ZYG11A: variants seen among roughly 807,000 people sequenced by gnomAD.
ZYG11A encodes protein zyg-11 homolog A.
A neutral mutation model predicts 77.2 loss-of-function variants in ZYG11A; 62 were observed. The observed-to-expected ratio is 0.80, with a 90% CI of 0.65 to 0.99. The LOEUF is 0.99. ZYG11A is among the 50% of genes least tolerant of loss of function. The pLI, the probability that ZYG11A is intolerant of heterozygous loss-of-function variation, is 0.00. For missense variants in ZYG11A, 828 were observed against 896.8 expected (o/e 0.92, Z 0.98); for synonymous variants, 315 against 324.6 (o/e 0.97, Z 0.32).
chr1:52,874,063 A>G (rs924816373), intron 8 of ZYG11A, among the ~76,000 whole-genome samples: 1 of 151,828 alleles, frequency 6.6e-6, no homozygotes, highest in Non-Finnish European at 1.5e-5. Context: ...TGGGGCAAAC[A>G]TCATTGCTAT....
Position 52,860,801 on chromosome 1 carries a change from T to C in ZYG11A, c.1079T>C (p.Val360Ala). The C allele has an allele frequency of 3.9e-6, 6 of 1,551,744 alleles. No homozygotes were observed. The highest frequency in any genetic ancestry group is 5.2e-6 in the Non-Finnish European group (6 of 1,146,990). Residue 360 changes from valine (V) to alanine (A), a missense_variant, in exon 4 of 14, where the codon GTG becomes GCG. By Grantham distance (64) the Val-to-Ala change is moderately conservative. Coordinates refer to ENST00000371528, the MANE Select transcript of ZYG11A (RefSeq NM_001004339.3). ...CGATACAGGAACAGATCATGTTTTG[T>C]GAAGGAAGCCCTCCACAGGCTGTTC... ...LSRYRNRSCF[V>A]KEALHRLFTE... is the part of the protein sequence containing the mutation.
In ZYG11A at chr1:52,857,504, C is replaced by T. The variant is rs1645836741; in HGVS notation, c.763C>T (p.Leu255Phe). 6.4e-7 allele frequency: 1 copy of T among 1,552,086 alleles called. No individual in the cohort carries two copies. The highest frequency in any genetic ancestry group is 2.0e-5 in the Admixed American group (1 of 50,992). ...KSQILAVIRE[L>F]KCLLHLDISD... is the part of the protein sequence containing the mutation. The stretch of plus-strand genomic sequence containing the variant: ...ACAAATTCTTGCAGTCATTAGAGAA[C>T]TTAAATGTCTGCTTCACCTTGATAT... Residue 255 changes from leucine (L) to phenylalanine (F), a missense_variant, in exon 3 of 14, where the codon CTT becomes TTT. Coordinates refer to ENST00000371528, the MANE Select transcript of ZYG11A (RefSeq NM_001004339.3).
In ZYG11A at chr1:52,857,104, C is replaced by A; in HGVS notation, c.363C>A (p.Ala121=). 2 of 1,551,738 alleles carry A rather than the reference C, an allele frequency of 1.3e-6. No homozygotes were observed. The highest frequency in any genetic ancestry group is 1.7e-6 in the Non-Finnish European group (2 of 1,147,028). The part of the protein sequence containing the change: ...AKISTAAFIK[A]FCRHKLIELN... ...TCTCTACAGCTGCATTCATAAAAGC[C>A]TTCTGCCGTCATAAGCTCATTGAAC... Residue 121 remains alanine (A), a synonymous_variant, in exon 3 of 14, where the codon GCC becomes GCA. Coordinates refer to ENST00000371528, the MANE Select transcript of ZYG11A (RefSeq NM_001004339.3).
At chr1:52,884,750 G>T (rs75287494) in intron 11 of ZYG11A, among the ~76,000 whole-genome samples, 4,155 of 152,220 alleles carry the variant, frequency 0.027, 156 homozygotes, top group East Asian at 0.2. Context: ...TTAGTATTTA[G>T]GTTTTAACTC....
intron 10 of ZYG11A, among the ~76,000 whole-genome samples, chr1:52,880,299 C>T (rs1040299152): frequency 2.6e-5 from 4 of 151,976 alleles, no homozygotes; most frequent in African/African-American, 4.8e-5. Flanking sequence ...GTCCTATGTG[C>T]CTCAATATAC....
intron 1 of ZYG11A, among the ~76,000 whole-genome samples, chr1:52,845,635 A>ATT (rs34141053): frequency 2.9e-3 from 402 of 139,304 alleles, no homozygotes; most frequent in African/African-American, 9.4e-3. Context: ...TTATTTTTGA[A>ATT]TTTTTTTTTT....
At chr1:52,867,801 A>G (rs754635583) in intron 8 of ZYG11A, 24 bp downstream of exon 8, 1 of 1,536,122 alleles carries the variant, frequency 6.5e-7, no homozygotes, top group South Asian at 1.2e-5. Flanking sequence ...CATGTTCATA[A>G]CCTTTTTTTA....
intron 10 of ZYG11A, among the ~76,000 whole-genome samples, chr1:52,878,196 A>G (rs1427238640): frequency 6.6e-6 from 1 of 152,222 alleles, no homozygotes; most frequent in Non-Finnish European, 1.5e-5. Flanking sequence ...TTTACTTATG[A>G]ATCTGTGGGT....
intron 12 of ZYG11A, among the ~76,000 whole-genome samples, chr1:52,886,607 C>G (rs543360851): frequency 1.3e-5 from 2 of 150,666 alleles, no homozygotes; most frequent in African/African-American, 4.9e-5. Flanking sequence ...GATCACATCT[C>G]AATGCAGCCT....
At chr1:52,843,906 T>G (rs1209623948) in intron 1 of ZYG11A, among the ~76,000 whole-genome samples, 1 of 152,094 alleles carries the variant, frequency 6.6e-6, no homozygotes, top group Admixed American at 6.5e-5. Context: ...CAGGATGGTT[T>G]CGAACTCCAG....
chr1:52,851,906 C>A (rs1645720341), intron 1 of ZYG11A, among the ~76,000 whole-genome samples: 1 of 148,546 alleles, frequency 6.7e-6, no homozygotes, highest in South Asian at 2.1e-4. Context: ...CGCCACCATG[C>A]CTTCCTAATT....
rs11578862 is a variant in ZYG11A at position 52,849,807 on chromosome 1, C to A, written c.91-4658C>A. Among the ~76,000 whole-genome samples, 209 of 151,378 alleles carry A rather than the reference C, an allele frequency of 1.4e-3. 1 individual carries two copies. The highest frequency in any genetic ancestry group is 2.2e-3 in the Non-Finnish European group (151 of 67,738). ...ATGCCATTCTCCTGCCTCAGCCTCC[C>A]GAGTAGCTGGGACTACAGGCACCGG... On this transcript the variant is annotated intron_variant, in intron 1 of 13. Transcript: ENST00000371528.
At chr1:52,852,413 G>T (rs1645731292) in intron 1 of ZYG11A, among the ~76,000 whole-genome samples, 1 of 149,794 alleles carries the variant, frequency 6.7e-6, no homozygotes, top group Non-Finnish European at 1.5e-5. Context: ...ACCCATGCTG[G>T]AGTGCAGTGA....
At chr1:52,850,540 G>A (rs904229187) in intron 1 of ZYG11A, among the ~76,000 whole-genome samples, 1 of 151,290 alleles carries the variant, frequency 6.6e-6, no homozygotes, top group Non-Finnish European at 1.5e-5. Context: ...GGCTGGTCTC[G>A]AACTCCTGAC....
chr1:52,892,016 A>G (rs529596995), intron 13 of ZYG11A, among the ~76,000 whole-genome samples: 1 of 151,308 alleles, frequency 6.6e-6, no homozygotes, highest in South Asian at 2.1e-4. Context: ...CTCCTGCCTC[A>G]GCCTCCCGAG....
At chr1:52,872,582 T>G (rs1310031071) in intron 8 of ZYG11A, among the ~76,000 whole-genome samples, 1 of 150,474 alleles carries the variant, frequency 6.6e-6, no homozygotes, top group Non-Finnish European at 1.5e-5. Flanking sequence ...TTATTTATTA[T>G]TTAAGAAACA....
chr1:52,860,413 A>G (rs186580757), intron 3 of ZYG11A, among the ~76,000 whole-genome samples: 1 of 151,872 alleles, frequency 6.6e-6, no homozygotes, highest in East Asian at 1.9e-4. Context: ...TTCTCTCAGC[A>G]TATTTTGTCA....
chr1:52,881,304 T>C (rs1646357893), intron 10 of ZYG11A, 167 bp from the exon 11 acceptor site: 2 of 527,408 alleles, frequency 3.8e-6, no homozygotes, highest in Non-Finnish European at 6.7e-6. Flanking sequence ...ATCATCCTCA[T>C]CAAGGGAGTT....
chr1:52,880,480 T>G (rs1646345053), intron 10 of ZYG11A, among the ~76,000 whole-genome samples: 1 of 152,148 alleles, frequency 6.6e-6, no homozygotes, highest in Non-Finnish European at 1.5e-5. Context: ...TCCCCTACCC[T>G]TGAGTGTGGA....
Sources: allele counts gnomAD v4.1 joint callset (sites outside exome capture counted in the v4.1 genomes callset), GRCh38; gene constraint gnomAD v4.1.1; transcripts MANE v1.5; gene names NCBI Gene and HGNC (gene_info 2026-07-23, HGNC 2026-07-21).